The following MAPK10 variants were observed in gnomAD, a reference collection of about 807,000 sequenced individuals.
The protein encoded by MAPK10 is JNK3 alpha protein kinase.
MAPK10 carries 25 observed loss-of-function variants against 59.3 expected under a neutral mutation model. The ratio of observed to expected loss-of-function variants is 0.42; its 90% CI spans 0.31 to 0.59. The LOEUF is 0.59. Among genes scored for constraint, MAPK10 ranks in the 20% least tolerant of loss-of-function variants. MAPK10 has a pLI of 0.15. For missense variants in MAPK10, 351 were observed against 568.9 expected, an observed-to-expected ratio of 0.62 and a Z score of 3.90; for synonymous variants, 190 against 200.5, an observed-to-expected ratio of 0.95 and a Z score of 0.44.
chr4:86,184,189 G>T (rs1332117766), intron 3 of MAPK10, among the ~76,000 whole-genome samples: 1 of 152,050 alleles, frequency 6.6e-6, no homozygotes, highest in East Asian at 1.9e-4. Flanking sequence ...CATTGCTTTT[G>T]GTGTTTTAGA....
intron 1 of MAPK10, among the ~76,000 whole-genome samples, chr4:86,431,788 A>G (rs1261815502): frequency 6.6e-6 from 1 of 152,216 alleles, no homozygotes; most frequent in Admixed American, 6.5e-5. Context: ...TGAAAAGAGA[A>G]ACATGTGCAT....
chr4:86,292,956 A>T (rs963352254), intron 2 of MAPK10, among the ~76,000 whole-genome samples: 1 of 152,190 alleles, frequency 6.6e-6, no homozygotes, highest in Non-Finnish European at 1.5e-5. Context: ...ACAAATGCAT[A>T]AAACTAAGTC....
chr4:86,425,435 TA>T (rs34111165), intron 1 of MAPK10, among the ~76,000 whole-genome samples: 4,338 of 151,342 alleles, frequency 0.029, 81 homozygotes, highest in Middle Eastern at 0.062. Context: ...TTTTCTGTAT[TA>T]AAAAAAAACT....
intron 4 of MAPK10, among the ~76,000 whole-genome samples, chr4:86,136,954 G>C (rs1219407461): frequency 6.6e-6 from 1 of 152,116 alleles, no homozygotes; most frequent in Non-Finnish European, 1.5e-5. Context: ...TTACATAATG[G>C]TAAAGTGATC....
chr4:86,022,025 C>T (rs977144174), intron 13 of MAPK10, among the ~76,000 whole-genome samples: 2 of 152,228 alleles, frequency 1.3e-5, no homozygotes, highest in Admixed American at 6.5e-5. Flanking sequence ...GGAGTGGGCT[C>T]CAGCCTTGGC....
intron 2 of MAPK10, among the ~76,000 whole-genome samples, chr4:86,315,207 TGGA>T (rs1564289835): frequency 6.6e-6 from 1 of 151,712 alleles, no homozygotes; most frequent in East Asian, 1.9e-4. Flanking sequence ...ATTGAACTCA[TGGA>T]GATAAGAGTA....
chr4:86,420,404 T>C (rs575543251), intron 1 of MAPK10, among the ~76,000 whole-genome samples: 121 of 152,298 alleles, frequency 7.9e-4, no homozygotes, highest in African/African-American at 2.7e-3. Flanking sequence ...GGTACTTCTA[T>C]TGAGGGCCCT....
At chr4:86,243,972 G>A (rs1484898136) in intron 2 of MAPK10, among the ~76,000 whole-genome samples, 1 of 152,058 alleles carries the variant, frequency 6.6e-6, no homozygotes, top group Non-Finnish European at 1.5e-5. Context: ...ATTACAAATG[G>A]CTCGAGTTTC....
rs750053106 is a variant in MAPK10, at chr4:86,101,185, A to C, written c.597T>G (p.Ser199=). ...DLKPSNIVVK[S]DCTLKILDFG... ...AGTCCAGGATTTTCAATGTGCAATC[A>C]GACTTGACTACAATGTTACTTGGTT... The change falls in exon 8 of 14, where the codon TCT becomes TCG. Residue 199 remains serine (S), a synonymous_variant. Transcript: ENST00000641462. The C allele has an allele frequency of 1.2e-6, 2 of 1,613,968 alleles. No individual in the cohort carries two copies. The highest frequency in any genetic ancestry group is 8.5e-7 in the Non-Finnish European group (1 of 1,179,904).
chr4:86,197,638 T>A (rs967742837), intron 2 of MAPK10, among the ~76,000 whole-genome samples: 1 of 152,110 alleles, frequency 6.6e-6, no homozygotes, highest in African/African-American at 2.4e-5. Context: ...GCATAAAGCT[T>A]ACTATAGGAA....
chr4:86,122,815 CATTTGTAAACTCCTG>C (rs149342540), intron 4 of MAPK10, among the ~76,000 whole-genome samples: 3,240 of 152,098 alleles, frequency 0.021, 58 homozygotes, highest in Non-Finnish European at 0.032. Context: ...CTTCATTGTC[CATTTGTAAACTCCTG>C]ATTTATTTGG....
intron 9 of MAPK10, among the ~76,000 whole-genome samples, chr4:86,097,759 A>G (rs1392884355): frequency 6.6e-6 from 1 of 152,128 alleles, no homozygotes; most frequent in Non-Finnish European, 1.5e-5. Context: ...TTGGCCATTT[A>G]AGAAATGTAT....
rs370443283 is a variant in MAPK10, at chr4:86,521,268, TC to T, written c.-263+72641del. 2.1e-3 allele frequency among the ~76,000 whole-genome samples: 325 copies of T among 152,266 alleles called. 3 individuals are homozygous for T. Among genetic ancestry groups the T allele is most frequent in the African/African-American group, 7.1e-3 (293 of 41,548 alleles). The stretch of plus-strand genomic sequence containing the variant: ...AGGAGATGGTGCTTTCAAGACAGCA[TC>T]TAGTAGAAGGGGGATATAATCTTAC... On this transcript the variant is annotated intron_variant, in intron 1 of 4. Coordinates refer to the MAPK10 transcript ENST00000502302.
At chr4:86,117,387 T>C (rs1368679743) in intron 4 of MAPK10, among the ~76,000 whole-genome samples, 1 of 152,232 alleles carries the variant, frequency 6.6e-6, no homozygotes, top group Non-Finnish European at 1.5e-5. Context: ...CCTGTCTTAA[T>C]GGTTCACAGG....
At chr4:86,335,176 A>G (rs1720433481) in intron 2 of MAPK10, 1 of 152,214 alleles carries the variant, frequency 6.6e-6, no homozygotes, top group African/African-American at 2.4e-5. Context: ...ATGAAAGGTA[A>G]TCTATCAAAT....
At chr4:86,224,887 A>T (rs1481468767) in intron 2 of MAPK10, among the ~76,000 whole-genome samples, 5 of 152,232 alleles carry the variant, frequency 3.3e-5, no homozygotes, top group African/African-American at 1.2e-4. Context: ...TAACATCTTA[A>T]ATACAATTCT....
chr4:86,285,497 G>A (rs578018029), intron 2 of MAPK10, among the ~76,000 whole-genome samples: 11 of 152,176 alleles, frequency 7.2e-5, no homozygotes, highest in African/African-American at 2.4e-4. Flanking sequence ...TTACAGGTGT[G>A]AGCCACCGTG....
chr4:86,378,669 G>C (rs1176412354), intron 1 of MAPK10, among the ~76,000 whole-genome samples: 1 of 152,188 alleles, frequency 6.6e-6, no homozygotes, highest in Admixed American at 6.5e-5. Flanking sequence ...TTACAAATTT[G>C]CTCTGACATC....
At chr4:86,533,344 A>C (rs1757979857) in intron 1 of MAPK10, among the ~76,000 whole-genome samples, 1 of 152,212 alleles carries the variant, frequency 6.6e-6, no homozygotes, top group Non-Finnish European at 1.5e-5. Context: ...TAATTACACA[A>C]CAATGTGAAT....
Sources: gnomAD v4.1 joint callset for allele counts (sites outside exome capture counted in the v4.1 genomes callset) on GRCh38, gnomAD v4.1.1 for gene constraint, MANE v1.5 for transcripts, NCBI Gene and HGNC (gene_info 2026-07-23, HGNC 2026-07-21) for gene names.